C1GALT1: variants seen among roughly 807,000 people sequenced by gnomAD.
C1GALT1 encodes glycoprotein-N-acetylgalactosamine 3-beta-galactosyltransferase 1.
C1GALT1 carries 11 observed loss-of-function variants against 31.0 expected under a neutral mutation model. That is an observed-to-expected ratio of 0.36 (90% CI 0.22 to 0.59). C1GALT1 has a LOEUF of 0.59. Ranked by LOEUF, C1GALT1 falls within the 20% of genes least tolerant of loss-of-function variation. The pLI is 0.79. For missense variants in C1GALT1, 424 were observed against 425.2 expected (o/e 1.00, Z 0.03); for synonymous variants, 175 against 143.6 (o/e 1.22, Z -1.56).
In C1GALT1 at chr7:7,238,085, A is replaced by G. The variant is rs530907619; in HGVS notation, c.221-170A>G. ...AGATAACACTGACATGAAACCAATA[A>G]ATCAGAGTGTCAGTTCACATTAGGA... is the stretch of plus-strand genomic sequence containing the variant. On this transcript the variant is annotated intron_variant, in intron 2 of 3. Transcript: ENST00000436587. This position sits in a 1 kb window ranked among gnomAD's most constrained non-coding sequence, Gnocchi z 5.2. Among the ~76,000 whole-genome samples, 3 of 152,294 alleles carry G rather than the reference A, an allele frequency of 2.0e-5. No homozygotes were observed. Among genetic ancestry groups the G allele is most frequent in the African/African-American group, 7.2e-5 (3 of 41,568 alleles).
At chr7:7,202,647 CAGTA>C (rs1267320781) in intron 1 of C1GALT1, among the ~76,000 whole-genome samples, 2 of 152,142 alleles carry the variant, frequency 1.3e-5, no homozygotes, top group African/African-American at 2.4e-5. Context: ...GTCTTGAAAT[CAGTA>C]AGTATGAGTT....
At position 7,246,202 on chromosome 7, in the gene C1GALT1, G is replaced by C. The variant is rs1292475456; in HGVS notation, c.*2475G>C. The C allele has an allele frequency of 6.8e-6, 1 of 148,064 alleles. No homozygotes were observed. Among genetic ancestry groups the C allele is most frequent in the Non-Finnish European group, 1.5e-5 (1 of 67,332 alleles). 9.2% of individuals were successfully genotyped at this position (148,064 alleles called of 1,614,324 possible). ...ATTTGGGTGTTATACCCCTATTATA[G>C]ATAAGGAAACTGAGGCTCAGAGACA... On this transcript the variant is annotated 3_prime_UTR_variant, in exon 4 of 4. Coordinates refer to ENST00000436587, the MANE Select transcript of C1GALT1 (RefSeq NM_020156.5).
At position 7,238,148 on chromosome 7, in the gene C1GALT1, GATAA is replaced by G; in HGVS notation, c.221-103_221-100del. The G allele has an allele frequency of 9.3e-7, 1 of 1,079,064 alleles. No homozygotes were observed. The highest frequency in any genetic ancestry group is 1.3e-6 in the Non-Finnish European group (1 of 763,466). 66.8% of individuals were successfully genotyped at this position (1,079,064 alleles called of 1,614,324 possible). A position where few individuals can be genotyped will look rare whatever the true frequency, so the allele number is the denominator to read the frequency against. ...CCTTTGGCTAAATCACTAATAGAGGGATAAATAGGGACTTTGAAATTAGGACAGT... is the reference window on the plus strand; with the variant it reads ...CCTTTGGCTAAATCACTAATAGAGGGATAGGGACTTTGAAATTAGGACAGT... On this transcript the variant is annotated intron_variant, in intron 2 of 3. Coordinates refer to ENST00000436587, the MANE Select transcript of C1GALT1 (RefSeq NM_020156.5). This position sits in a 1 kb window ranked among gnomAD's most constrained non-coding sequence, Gnocchi z 5.2.
rs369373981 is a variant in C1GALT1 at position 7,246,391 on chromosome 7, T to A, written c.*2664T>A. Reference sequence around the variant, plus strand: ...TGACGTCTGATGCATTGGCCAGTAATAGTCAAATTAACCCAGCCAAATTGT... The same window carrying A: ...TGACGTCTGATGCATTGGCCAGTAAAAGTCAAATTAACCCAGCCAAATTGT... On this transcript the variant is annotated 3_prime_UTR_variant, in exon 4 of 4. Transcript: ENST00000436587. The A allele has an allele frequency of 7.2e-5, 11 of 152,198 alleles. No homozygotes were observed. The highest frequency in any genetic ancestry group is 1.2e-4 in the Non-Finnish European group (8 of 68,036). 9.4% of individuals were successfully genotyped at this position (152,198 alleles called of 1,614,324 possible). A position where few individuals can be genotyped will look rare whatever the true frequency, so the allele number is the denominator to read the frequency against.
intron 1 of C1GALT1, among the ~76,000 whole-genome samples, chr7:7,225,382 A>G (rs1290338449): frequency 1.3e-5 from 2 of 152,192 alleles, no homozygotes; most frequent in Admixed American, 6.5e-5. Context: ...TTTTCCCAGT[A>G]TATAGCATAG....
chr7:7,247,114 A>G lies in C1GALT1; in HGVS notation c.*3387A>G, dbSNP rs920997376. 4.6e-5 allele frequency: 7 copies of G among 152,200 alleles called. No homozygotes were observed. Among genetic ancestry groups the G allele is most frequent in the Admixed American group, 3.9e-4 (6 of 15,282 alleles). The allele number at this position is 152,200 out of a possible 1,614,324, so 9.4% of individuals were successfully genotyped here. On this transcript the variant is annotated 3_prime_UTR_variant, in exon 4 of 4. Coordinates refer to ENST00000436587, the MANE Select transcript of C1GALT1 (RefSeq NM_020156.5). ...TTAGTAAAAAAAATTAAATTGAAGT[A>G]GTAAATGCTGTTTTATAACATACAT...
intron 1 of C1GALT1, among the ~76,000 whole-genome samples, chr7:7,208,250 G>C (rs532689623): frequency 1.3e-5 from 2 of 152,020 alleles, no homozygotes; most frequent in African/African-American, 4.8e-5. Flanking sequence ...TTTATTTTAC[G>C]TAATGACCCT....
rs961271738 is a variant in C1GALT1 at position 7,226,342 on chromosome 7, A to G, written c.-17-7961A>G. On this transcript the variant is annotated intron_variant, in intron 1 of 3. Transcript: ENST00000436587. ...GAAGTACCTGATTGTCACCTTGGCA[A>G]AATGTGGTATAAAGTGTTAAAATTT... Among the ~76,000 whole-genome samples the G allele has an allele frequency of 2.6e-5, 4 of 152,222 alleles. No homozygotes were observed. In the East Asian group the frequency reaches 7.7e-4, roughly 29 times the overall value.
chr7:7,180,051 C>T (rs965641416), upstream of C1GALT1, among the ~76,000 whole-genome samples: 1 of 152,094 alleles, frequency 6.6e-6, no homozygotes, highest in Non-Finnish European at 1.5e-5. Context: ...CTGAAGAAAT[C>T]AGAGTTCTAC....
rs184200367 is a variant in C1GALT1 at position 7,210,952 on chromosome 7, A to G, written c.-17-23351A>G. ...CTCTGCCTAAAATAATTTCTTAATA[A>G]CTCCTACAACATTCCCGCCTGTGGA... On this transcript the variant is annotated intron_variant, in intron 1 of 3. Transcript: ENST00000436587. Among the ~76,000 whole-genome samples, 984 of 152,132 alleles carry G rather than the reference A, an allele frequency of 6.5e-3. 9 individuals are homozygous for G. Among genetic ancestry groups the G allele is most frequent in the Non-Finnish European group, 9.7e-3 (658 of 67,986 alleles).
At chr7:7,199,395 C>T (rs1781439381) in intron 1 of C1GALT1, among the ~76,000 whole-genome samples, 1 of 151,342 alleles carries the variant, frequency 6.6e-6, no homozygotes, top group Non-Finnish European at 1.5e-5. Flanking sequence ...GCACTGTGGT[C>T]TGAGAGACAG....
chr7:7,199,047 T>C (rs1298121209), intron 1 of C1GALT1, among the ~76,000 whole-genome samples: 2 of 152,218 alleles, frequency 1.3e-5, no homozygotes, highest in Non-Finnish European at 2.9e-5. Context: ...TCAGTTCTGC[T>C]CTGACCTTAG....
intron 2 of C1GALT1, among the ~76,000 whole-genome samples, chr7:7,177,437 A>G (rs1306056998): frequency 1.3e-5 from 2 of 152,090 alleles, no homozygotes; most frequent in African/African-American, 2.4e-5. Context: ...AACTCAAATA[A>G]CCGGTTATAT....
At position 7,243,461 on chromosome 7, in the gene C1GALT1, T is replaced by A. The variant is rs1293268167; in HGVS notation, c.889-63T>A. 4.9e-5 allele frequency: 63 copies of A among 1,292,028 alleles called. No homozygotes were observed. In the Middle Eastern group the frequency reaches 8.0e-4, roughly 16 times the overall value. 80.0% of individuals were successfully genotyped at this position (1,292,028 alleles called of 1,614,324 possible). A position where few individuals can be genotyped will look rare whatever the true frequency, so the allele number is the denominator to read the frequency against. ...AAAATTAGCTGGTCCTTTATAAGTATGTAAATATTGTAGCTAGCAATGTGC... is the reference window on the plus strand; with the variant it reads ...AAAATTAGCTGGTCCTTTATAAGTAAGTAAATATTGTAGCTAGCAATGTGC... On this transcript the variant is annotated intron_variant, in intron 3 of 3. Transcript: ENST00000436587.
chr7:7,239,964 C>G (rs570527775), intron 3 of C1GALT1, among the ~76,000 whole-genome samples: 1 of 152,288 alleles, frequency 6.6e-6, no homozygotes, highest in African/African-American at 2.4e-5. Flanking sequence ...ATCATGGAAC[C>G]TAGCTTTTAG....
chr7:7,172,403 G>A (rs1780462850), intron 2 of C1GALT1, among the ~76,000 whole-genome samples: 1 of 151,988 alleles, frequency 6.6e-6, no homozygotes, highest in East Asian at 1.9e-4. Flanking sequence ...GGCTTTTGAT[G>A]GGTTGGTTAA....
chr7:7,234,609 G>A, intron 2 of C1GALT1, 70 bp downstream of exon 2: 1 of 1,146,374 alleles, frequency 8.7e-7, no homozygotes, highest in Non-Finnish European at 1.3e-6. Context: ...ATTCCTGTCT[G>A]TATCTGTTAA....
intron 1 of C1GALT1, among the ~76,000 whole-genome samples, chr7:7,223,059 A>G (rs769659051): frequency 6.6e-6 from 1 of 152,138 alleles, no homozygotes. Flanking sequence ...CCATAATGCC[A>G]TTTTTGCCTA....
upstream of C1GALT1, chr7:7,182,455 C>G (rs1780624225): frequency 6.6e-6 from 1 of 152,252 alleles, no homozygotes; most frequent in Admixed American, 6.5e-5. Flanking sequence ...CAGCCAATCC[C>G]CGCTTCCTCA....
Sources: gnomAD v4.1 joint callset for allele counts (sites outside exome capture counted in the v4.1 genomes callset) on GRCh38, gnomAD v4.1.1 for gene constraint, Gnocchi (gnomAD v3.1) non-coding constraint, MANE v1.5 for transcripts, NCBI Gene and HGNC (gene_info 2026-07-23, HGNC 2026-07-21) for gene names.